Variants in WWOX observed in about 807,000 individuals in gnomAD.
WWOX encodes WW domain containing oxidoreductase.
In WWOX, 69 loss-of-function variants were observed where a neutral mutation model predicts 46.2. The observed-to-expected ratio is 1.49, with a 90% CI of 1.23 to 1.82. The LOEUF is 1.82. Among genes scored for constraint, WWOX ranks in the 40% most tolerant of loss-of-function variants. WWOX has a pLI of 0.00. For missense variants in WWOX, 919 were observed against 542.6 expected, an observed-to-expected ratio of 1.69 and a Z score of -6.89; for synonymous variants, 359 against 202.6, an observed-to-expected ratio of 1.77 and a Z score of -6.56.
chr16:78,759,986 C>T (rs1035722730), intron 8 of WWOX, among the ~76,000 whole-genome samples: 5 of 152,112 alleles, frequency 3.3e-5, no homozygotes, highest in Admixed American at 1.3e-4. Flanking sequence ...TTACAATGAC[C>T]CTTTTAATTG....
chr16:78,563,103 G>A (rs1372931326), intron 8 of WWOX, among the ~76,000 whole-genome samples: 6 of 152,018 alleles, frequency 3.9e-5, no homozygotes, highest in African/African-American at 1.2e-4. Context: ...AGGTTTGAAA[G>A]TTGTCTTGTG....
In WWOX at chr16:78,309,714, C is replaced by T. The variant is rs944451941; in HGVS notation, c.517-77146C>T. ...TTTAGAGTTTCACTCTTTCAATCAA[C>T]GTACGTGACTACCCAGAATTAAACT... On this transcript the variant is annotated intron_variant, in intron 5 of 8. Coordinates refer to ENST00000566780, the MANE Select transcript of WWOX (RefSeq NM_016373.4). 5.9e-5 allele frequency among the ~76,000 whole-genome samples: 9 copies of T among 152,140 alleles called. No homozygotes were observed. The South Asian group carries it at 6.2e-4, about 11-fold the overall frequency.
At chr16:78,986,612 G>C (rs79815270) in intron 8 of WWOX, among the ~76,000 whole-genome samples, 3 of 152,138 alleles carry the variant, frequency 2.0e-5, no homozygotes, top group Non-Finnish European at 4.4e-5. Flanking sequence ...GGTCACTGGC[G>C]GACATCACTC....
chr16:78,126,723 T>C (rs2033377789), intron 4 of WWOX, among the ~76,000 whole-genome samples: 1 of 152,194 alleles, frequency 6.6e-6, no homozygotes, highest in Non-Finnish European at 1.5e-5. Flanking sequence ...ACATCTTGTC[T>C]ATTATGCCAG....
At chr16:78,158,919 A>C (rs2034692704) in intron 4 of WWOX, among the ~76,000 whole-genome samples, 2 of 152,084 alleles carry the variant, frequency 1.3e-5, no homozygotes, top group African/African-American at 2.4e-5. Flanking sequence ...CCCTTTGGCT[A>C]ATACCTCCTT....
At chr16:78,842,971 C>A (rs531487313) in intron 8 of WWOX, among the ~76,000 whole-genome samples, 1 of 150,216 alleles carries the variant, frequency 6.7e-6, no homozygotes, top group African/African-American at 2.4e-5. Context: ...CACCCACAGG[C>A]ACGCTTCACA....
chr16:78,963,961 C>G (rs1407393036), intron 8 of WWOX, among the ~76,000 whole-genome samples: 2 of 152,140 alleles, frequency 1.3e-5, no homozygotes, highest in Non-Finnish European at 2.9e-5. Flanking sequence ...TCAGGGGTTT[C>G]TGCAGTTTTT....
At chr16:78,595,721 C>T (rs1448761518) in intron 8 of WWOX, among the ~76,000 whole-genome samples, 1 of 152,186 alleles carries the variant, frequency 6.6e-6, no homozygotes, top group Non-Finnish European at 1.5e-5. Context: ...CTCAGTACAT[C>T]TATACATGGT....
intron 8 of WWOX, among the ~76,000 whole-genome samples, chr16:78,434,589 C>T (rs770628906): frequency 2.0e-5 from 3 of 152,170 alleles, no homozygotes; most frequent in East Asian, 1.9e-4. Context: ...GCCCAGTCAA[C>T]CATCATTTGT....
chr16:79,128,897 G>C (rs77591852), intron 8 of WWOX, among the ~76,000 whole-genome samples: 2 of 152,112 alleles, frequency 1.3e-5, no homozygotes, highest in Non-Finnish European at 2.9e-5. Flanking sequence ...CTGGTGTCAC[G>C]ATCCCACAAC....
At chr16:78,628,805 G>A (rs567773255) in intron 8 of WWOX, among the ~76,000 whole-genome samples, 9 of 152,284 alleles carry the variant, frequency 5.9e-5, no homozygotes, top group Middle Eastern at 3.4e-3. Flanking sequence ...TGTTGATGCC[G>A]ACGACTAGCC....
chr16:78,104,461 A>G (rs1017614836), intron 1 of WWOX, among the ~76,000 whole-genome samples: 1 of 152,188 alleles, frequency 6.6e-6, no homozygotes, highest in African/African-American at 2.4e-5. Flanking sequence ...CTATGATTGC[A>G]TCACTGTACT....
chr16:78,689,003 C>G (rs183907439), intron 8 of WWOX, among the ~76,000 whole-genome samples: 1 of 152,140 alleles, frequency 6.6e-6, no homozygotes, highest in African/African-American at 2.4e-5. Context: ...TGTAAGTTTC[C>G]TGAGACCTCC....
At chr16:79,122,633 C>G (rs1167911682) in intron 8 of WWOX, among the ~76,000 whole-genome samples, 2 of 151,494 alleles carry the variant, frequency 1.3e-5, no homozygotes, top group Non-Finnish European at 2.9e-5. Context: ...TTCTTCTTCC[C>G]TTCCCTTTGT....
intron 5 of WWOX, among the ~76,000 whole-genome samples, chr16:78,309,533 T>C (rs2080198840): frequency 6.6e-6 from 1 of 152,182 alleles, no homozygotes; most frequent in African/African-American, 2.4e-5. Flanking sequence ...ACTCCTTACA[T>C]ATATTGATAG....
intron 6 of WWOX, among the ~76,000 whole-genome samples, chr16:78,422,846 C>CAT (rs1567563723): frequency 1.6e-3 from 22 of 13,360 alleles, no homozygotes; most frequent in Admixed American, 3.6e-3. Flanking sequence ...TATACATATA[C>CAT]ACACACACAC....
intron 4 of WWOX, among the ~76,000 whole-genome samples, chr16:78,119,838 A>G (rs1376678726): frequency 6.6e-6 from 1 of 152,112 alleles, no homozygotes; most frequent in Non-Finnish European, 1.5e-5. Context: ...AAACTTCTTA[A>G]CTTTCAGTCC....
intron 8 of WWOX, among the ~76,000 whole-genome samples, chr16:78,917,779 C>T (rs1303769037): frequency 1.3e-5 from 2 of 151,944 alleles, no homozygotes; most frequent in Non-Finnish European, 2.9e-5. Flanking sequence ...TAAATATCTG[C>T]TAGTTTTTAA....
chr16:78,847,192 A>T (rs964901202), intron 8 of WWOX, among the ~76,000 whole-genome samples: 14 of 152,220 alleles, frequency 9.2e-5, no homozygotes, highest in African/African-American at 3.4e-4. Context: ...TTTAGAACTA[A>T]GATCTAGGTG....
Sources: gnomAD v4.1 joint callset for allele counts (sites outside exome capture counted in the v4.1 genomes callset) on GRCh38, gnomAD v4.1.1 for gene constraint, MANE v1.5 for transcripts, NCBI Gene and HGNC (gene_info 2026-07-23, HGNC 2026-07-21) for gene names.